WARS2: variants seen among roughly 807,000 people sequenced by gnomAD.
WARS2 encodes tryptophanyl tRNA synthetase 2, mitochondrial.
WARS2 carries 28 observed loss-of-function variants against 36.5 expected under a neutral mutation model. The ratio of observed to expected loss-of-function variants is 0.77; its 90% CI spans 0.57 to 1.05. The LOEUF (loss-of-function observed/expected upper bound fraction) is 1.05, where lower values mean the gene tolerates loss of function less well. WARS2 is among the 50% of genes least tolerant of loss of function. The pLI is 0.00. For missense variants in WARS2, 435 were observed against 456.8 expected (o/e 0.95, Z 0.44); for synonymous variants, 174 against 178.4 (o/e 0.98, Z 0.20).
intron 2 of WARS2, among the ~76,000 whole-genome samples, chr1:119,059,560 C>G (rs921912343): frequency 3.9e-5 from 6 of 152,204 alleles, no homozygotes; most frequent in Admixed American, 6.5e-5. Flanking sequence ...CCATACCACA[C>G]TCTCAATTAT....
chr1:119,077,644 A>G (rs890976733), intron 1 of WARS2, among the ~76,000 whole-genome samples: 2 of 152,110 alleles, frequency 1.3e-5, no homozygotes, highest in African/African-American at 4.8e-5. Flanking sequence ...TCAAAAGGAA[A>G]TTTTAATTCT....
chr1:119,102,940 T>C (rs768935865), intron 1 of WARS2, among the ~76,000 whole-genome samples: 17 of 151,826 alleles, frequency 1.1e-4, no homozygotes, highest in Non-Finnish European at 4.4e-5. Flanking sequence ...GCGTTGTTTG[T>C]ATTTTACACT....
chr1:119,134,768 A>G (rs1656370417), intron 1 of WARS2, among the ~76,000 whole-genome samples: 2 of 152,184 alleles, frequency 1.3e-5, no homozygotes, highest in Non-Finnish European at 2.9e-5. Context: ...TTCTACCCTA[A>G]AGGAGTAAAT....
chr1:119,105,709 C>T (rs1253277774), intron 1 of WARS2, among the ~76,000 whole-genome samples: 4 of 152,120 alleles, frequency 2.6e-5, no homozygotes, highest in Non-Finnish European at 4.4e-5. Context: ...GCCAGGAGTT[C>T]GAGACCAGCC....
At chr1:119,106,711 A>G (rs1232633641) in intron 1 of WARS2, among the ~76,000 whole-genome samples, 1 of 152,198 alleles carries the variant, frequency 6.6e-6, no homozygotes, top group Non-Finnish European at 1.5e-5. Flanking sequence ...CCATTCACCT[A>G]CTAAAAGACA....
chr1:119,091,529 T>G (rs1020593332), intron 1 of WARS2, among the ~76,000 whole-genome samples: 3 of 152,220 alleles, frequency 2.0e-5, no homozygotes, highest in African/African-American at 4.8e-5. Flanking sequence ...TTCACTAGAA[T>G]GTATGGCCTA....
At chr1:119,038,152 A>G (rs973123499) in intron 4 of WARS2, among the ~76,000 whole-genome samples, 1 of 152,196 alleles carries the variant, frequency 6.6e-6, no homozygotes, top group Non-Finnish European at 1.5e-5. Flanking sequence ...TACATTTTTC[A>G]TACTGCCTTT....
At chr1:119,033,597 T>G (rs935441131) in intron 5 of WARS2, among the ~76,000 whole-genome samples, 2 of 152,242 alleles carry the variant, frequency 1.3e-5, no homozygotes, top group Non-Finnish European at 2.9e-5. Context: ...TTCAATACTT[T>G]ATTATAAAAT....
chr1:119,066,508 A>G (rs1650886049), intron 2 of WARS2, among the ~76,000 whole-genome samples: 1 of 151,242 alleles, frequency 6.6e-6, no homozygotes, highest in Non-Finnish European at 1.5e-5. Flanking sequence ...AAGACAAGCT[A>G]CAAACTGAAA....
At chr1:119,048,913 A>G (rs1378721581) in intron 2 of WARS2, among the ~76,000 whole-genome samples, 1 of 152,024 alleles carries the variant, frequency 6.6e-6, no homozygotes, top group African/African-American at 2.4e-5. Context: ...AAATACAAAT[A>G]TTAGCTGGGT....
At chr1:119,064,113 C>T (rs958805609) in intron 2 of WARS2, 4 of 152,238 alleles carry the variant, frequency 2.6e-5, no homozygotes, top group African/African-American at 9.7e-5. Flanking sequence ...CATGGGAATC[C>T]ACCTCTTGCA....
chr1:119,128,195 T>C (rs1453365831), intron 1 of WARS2, among the ~76,000 whole-genome samples: 4 of 152,008 alleles, frequency 2.6e-5, no homozygotes, highest in Non-Finnish European at 5.9e-5. Context: ...CTACCTCAGC[T>C]TCTCGAGAAG....
intron 1 of WARS2, among the ~76,000 whole-genome samples, chr1:119,119,760 C>T (rs113513976): frequency 1.3e-5 from 2 of 152,122 alleles, no homozygotes; most frequent in East Asian, 3.9e-4. Flanking sequence ...AAAAGGAACC[C>T]TCAAAACTAT....
At chr1:119,091,575 G>A (rs1653048490) in intron 1 of WARS2, among the ~76,000 whole-genome samples, 2 of 152,150 alleles carry the variant, frequency 1.3e-5, no homozygotes, top group South Asian at 4.1e-4. Context: ...ACTTCTAAGG[G>A]GTGTGTGATT....
chr1:119,066,401 C>CTGG, intron 2 of WARS2, among the ~76,000 whole-genome samples: 1 of 148,246 alleles, frequency 6.7e-6, no homozygotes, highest in East Asian at 2.0e-4. Flanking sequence ...TGGCGTGAAC[C>CTGG]TGGGAGGCAG....
intron 2 of WARS2, among the ~76,000 whole-genome samples, chr1:119,067,736 A>T (rs968407394): frequency 4.6e-5 from 7 of 152,184 alleles, no homozygotes; most frequent in Non-Finnish European, 8.8e-5. Context: ...AGCTTGAGCC[A>T]CTTGCCCATA....
intron 4 of WARS2, among the ~76,000 whole-genome samples, chr1:119,037,111 T>C (rs926192910): frequency 6.6e-6 from 1 of 152,198 alleles, no homozygotes; most frequent in African/African-American, 2.4e-5. Context: ...CATAATGATA[T>C]CCCTTTTAAT....
At position 119,045,607 on chromosome 1, in the gene WARS2, C is replaced by G. The variant is rs147962776; in HGVS notation, c.404G>C (p.Arg135Pro). The change falls in exon 3 of 6, where the codon CGA (arginine) becomes CCA (proline). Residue 135 changes from arginine to proline, a missense_variant. Physicochemically the swap from Arg to Pro is moderately radical, Grantham distance 103 (BLOSUM62 -2). Transcript: ENST00000235521. ...WILSCMVRLP[R>P]LQHLHQWKAK... ...CTTCCACTGATGTAAATGTTGTAAT[C>G]GAGGTAGTCTGACCATGCAGGAAAG... 1 of 1,594,828 alleles carries G rather than the reference C, an allele frequency of 6.3e-7. No individual in the cohort carries two copies. Among genetic ancestry groups the G allele is most frequent in the Non-Finnish European group, 8.6e-7 (1 of 1,167,540 alleles).
At position 119,110,408 on chromosome 1, in the gene WARS2, T is replaced by C. The variant is rs587718088; in HGVS notation, c.90+30147A>G. ...AATAATAATTTCACAGGGAACAGAATTCCAGATTGATTTTTTTTCCTCTTA... is the reference window on the plus strand; with the variant it reads ...AATAATAATTTCACAGGGAACAGAACTCCAGATTGATTTTTTTTCCTCTTA... On this transcript the variant is annotated intron_variant, in intron 1 of 5. Coordinates refer to ENST00000235521, the MANE Select transcript of WARS2 (RefSeq NM_015836.4). Among the ~76,000 whole-genome samples, 8 of 152,180 alleles carry C rather than the reference T, an allele frequency of 5.3e-5. No homozygotes were observed. In the South Asian group the frequency reaches 1.7e-3, roughly 32 times the overall value.
Sources: allele counts gnomAD v4.1 joint callset (sites outside exome capture counted in the v4.1 genomes callset), GRCh38; gene constraint gnomAD v4.1.1; transcripts MANE v1.5; gene names NCBI Gene and HGNC (gene_info 2026-07-23, HGNC 2026-07-21).